The following COL18A1 variants were observed in gnomAD, a reference collection of about 807,000 sequenced individuals.
COL18A1 encodes the protein collagen alpha-1(XVIII) chain.
A neutral mutation model predicts 168.0 loss-of-function variants in COL18A1; 133 were observed. That is an observed-to-expected ratio of 0.79 (90% CI 0.69 to 0.91). The LOEUF (loss-of-function observed/expected upper bound fraction) is 0.91. Among genes scored for constraint, COL18A1 ranks in the 40% least tolerant of loss-of-function variants. COL18A1 has a pLI of 0.00. For missense variants in COL18A1, 2,126 were observed against 1,925.4 expected (o/e 1.10, Z -1.95); for synonymous variants, 949 against 809.0 (o/e 1.17, Z -2.94).
At chr21:45,508,383 G>T (rs1006713497) in intron 38 of COL18A1, among the ~76,000 whole-genome samples, 2 of 150,050 alleles carry the variant, frequency 1.3e-5, no homozygotes, top group African/African-American at 4.9e-5. Context: ...GATGGATGGT[G>T]GGCAGATGGA....
chr21:45,493,172 G>A lies in COL18A1; in HGVS notation c.2224G>A (p.Gly742Arg). 6.4e-7 allele frequency: 1 copy of A among 1,559,610 alleles called. No homozygotes were observed. Among genetic ancestry groups the A allele is most frequent in the Non-Finnish European group, 8.7e-7 (1 of 1,151,834 alleles). ...PGFAGFPGPA[G>R]PKGNLGSKGE... ...CTGGCCTCCATTCCAGGGACCTGCA[G>A]GACCCAAGGGCAACCTGGGCTCTAA... The change falls in exon 25 of 42, where the codon GGA becomes AGA. Residue 742 changes from glycine to arginine, a missense_variant. Transcript: ENST00000651438.
rs1237178094 is a variant in COL18A1, at chr21:45,493,174, A to T, written c.2226A>T (p.Gly742=). 1 of 1,559,748 alleles carries T rather than the reference A, an allele frequency of 6.4e-7. No homozygotes were observed. Among genetic ancestry groups the T allele is most frequent in the Admixed American group, 1.9e-5 (1 of 52,510 alleles). ...PGFAGFPGPA[G]PKGNLGSKGE... is the part of the protein sequence containing the mutation. ...GGCCTCCATTCCAGGGACCTGCAGGACCCAAGGGCAACCTGGGCTCTAAGG... is the reference window on the plus strand; with the variant it reads ...GGCCTCCATTCCAGGGACCTGCAGGTCCCAAGGGCAACCTGGGCTCTAAGG... The change falls in exon 25 of 42, where the codon GGA becomes GGT. Residue 742 remains glycine (G), a synonymous_variant. Transcript: ENST00000651438.
chr21:45,491,314 C>G lies in COL18A1; in HGVS notation c.2157C>G (p.Asp719Glu). ...PGPVVYVSEQ[D>E]GSVLSVPGPE... ...CTGTGGTCTACGTGTCGGAGCAGGA[C>G]GTAAGGACGCTGCGTGGGTGGGCAC... is the stretch of plus-strand genomic sequence containing the variant. The change falls in exon 22 of 42, where the codon GAC (aspartate) becomes GAG (glutamate). Residue 719 changes from aspartate (D) to glutamate (E), a missense_variant and splice_region_variant. By Grantham distance (45) the Asp-to-Glu change is conservative (BLOSUM62 2). Coordinates refer to ENST00000651438, the MANE Select transcript of COL18A1 (RefSeq NM_001379500.1). 1.2e-6 allele frequency: 2 copies of G among 1,609,912 alleles called. No individual in the cohort carries two copies. The highest frequency in any genetic ancestry group is 1.7e-6 in the Non-Finnish European group (2 of 1,177,764).
intron 2 of COL18A1, among the ~76,000 whole-genome samples, chr21:45,432,115 G>A (rs1360882228): frequency 1.3e-5 from 2 of 152,238 alleles, no homozygotes; most frequent in Admixed American, 1.3e-4. Context: ...AGCAGACACA[G>A]GTTGGAGATA....
At chr21:45,496,014 A>T in intron 29 of COL18A1, 1 of 356,290 alleles carries the variant, frequency 2.8e-6, no homozygotes, top group Non-Finnish European at 5.5e-6. Context: ...GTGCACCCAT[A>T]TACACACATA....
At chr21:45,456,882 G>T in intron 2 of COL18A1, 1 of 1,437,096 alleles carries the variant, frequency 7.0e-7, no homozygotes, top group Non-Finnish European at 9.1e-7. Flanking sequence ...CCGGCTGCAG[G>T]TAACTGGCCG....
At position 45,423,005 on chromosome 21, in the gene COL18A1, G is replaced by A. The variant is rs2033674116; in HGVS notation, c.106+17532G>A. Among the ~76,000 whole-genome samples the A allele has an allele frequency of 6.6e-6, 1 of 152,118 alleles. No homozygotes were observed. Among genetic ancestry groups the A allele is most frequent in the Non-Finnish European group, 1.5e-5 (1 of 68,030 alleles). ...TTTTTTGTATTTTTAGTAGAGACAA[G>A]GTTTCTCCATGTTGGTCAGGCTGGT... On this transcript the variant is annotated intron_variant, in intron 2 of 41. Coordinates refer to ENST00000651438, the MANE Select transcript of COL18A1 (RefSeq NM_001379500.1). The surrounding 1 kb of genome is among the most constrained non-coding windows in gnomAD (Gnocchi z 4.0).
chr21:45,501,964 C>T (rs1283690717), intron 32 of COL18A1, among the ~76,000 whole-genome samples: 2 of 76,880 alleles, frequency 2.6e-5, no homozygotes, highest in East Asian at 3.2e-4. Flanking sequence ...CCTCCGCAGC[C>T]GGTCACCTCC....
intron 2 of COL18A1, among the ~76,000 whole-genome samples, chr21:45,451,315 G>A (rs1018000547): frequency 4.6e-5 from 7 of 152,234 alleles, no homozygotes; most frequent in Non-Finnish European, 7.3e-5. Flanking sequence ...AACTCCACAC[G>A]CACTGGGACA....
chr21:45,426,348 G>A (rs752979416), intron 2 of COL18A1, among the ~76,000 whole-genome samples: 23 of 152,086 alleles, frequency 1.5e-4, no homozygotes, highest in Non-Finnish European at 3.4e-4. Flanking sequence ...CAGGTGATCC[G>A]CCTGCCTTGG....
intron 6 of COL18A1, among the ~76,000 whole-genome samples, chr21:45,476,808 CGT>C (rs925621283): frequency 4.0e-5 from 6 of 148,560 alleles, no homozygotes; most frequent in South Asian, 4.3e-4. Context: ...GTGTAGTGTA[CGT>C]GTGTGGTGTG....
intron 38 of COL18A1, among the ~76,000 whole-genome samples, chr21:45,508,189 G>A (rs2037342462): frequency 6.6e-6 from 1 of 151,770 alleles, no homozygotes; most frequent in Non-Finnish European, 1.5e-5. Flanking sequence ...ATGGATGGAT[G>A]GTGGACAGGT....
intron 2 of COL18A1, chr21:45,456,228 T>C: frequency 6.2e-7 from 1 of 1,605,862 alleles, no homozygotes; most frequent in Non-Finnish European, 8.5e-7. Flanking sequence ...TGGGGAAGCC[T>C]GCAGGACCCA....
intron 29 of COL18A1, 96 bp from the exon 30 acceptor site, chr21:45,496,404 G>GTTTCTGATT (rs754124556): frequency 8.8e-5 from 69 of 784,228 alleles, no homozygotes; most frequent in South Asian, 7.4e-4. Context: ...GCCTGGTCAG[G>GTTTCTGATT]TTTCTGATTT....
At chr21:45,436,330 G>A (rs566923293) in intron 2 of COL18A1, among the ~76,000 whole-genome samples, 2 of 152,324 alleles carry the variant, frequency 1.3e-5, no homozygotes, top group East Asian at 3.9e-4. Context: ...CCTCACCCGG[G>A]GCCCATCCAG....
In COL18A1 at chr21:45,471,659, C is replaced by T. The variant is rs1005646439; in HGVS notation, c.652-2236C>T. Among the ~76,000 whole-genome samples, 2 of 152,150 alleles carry T rather than the reference C, an allele frequency of 1.3e-5. No homozygotes were observed. Among genetic ancestry groups the T allele is most frequent in the Admixed American group, 1.3e-4 (2 of 15,280 alleles). On this transcript the variant is annotated intron_variant, in intron 3 of 41. Coordinates refer to ENST00000651438, the MANE Select transcript of COL18A1 (RefSeq NM_001379500.1). The surrounding 1 kb of genome is among the most constrained non-coding windows in gnomAD (Gnocchi z 4.4). ...TTCTTGAGTCAGGTTTGTCAGTGGT[C>T]GTCTCCCGGGAAATCATGCACCCCT...
chr21:45,513,277 G>C lies in COL18A1; in HGVS notation c.*879G>C, dbSNP rs1484818094. 6.6e-6 allele frequency: 1 copy of C among 152,340 alleles called. No individual in the cohort carries two copies. Among genetic ancestry groups the C allele is most frequent in the Non-Finnish European group, 1.5e-5 (1 of 68,122 alleles). 9.4% of individuals were successfully genotyped at this position (152,340 alleles called of 1,614,324 possible). On this transcript the variant is annotated 3_prime_UTR_variant, in exon 42 of 42. Transcript: ENST00000651438. ...CAGGATGGAACACGGCCACATCAAAGAGGCTGAGGCTGGCACAGGACATGC... is the reference window on the plus strand; with the variant it reads ...CAGGATGGAACACGGCCACATCAAACAGGCTGAGGCTGGCACAGGACATGC...
At position 45,477,946 on chromosome 21, in the gene COL18A1, C is replaced by A; in HGVS notation, c.1202C>A (p.Pro401His). The A allele has an allele frequency of 1.9e-6, 3 of 1,544,710 alleles. No homozygotes were observed. Among genetic ancestry groups the A allele is most frequent in the African/African-American group, 1.4e-5 (1 of 73,288 alleles). The change falls in exon 8 of 42, where the codon CCT (proline) becomes CAT (histidine). Residue 401 changes from proline to histidine, a missense_variant. Transcript: ENST00000651438. ...PPGPPGRDGT[P>H]GRDGEPGDPG... is the part of the protein sequence containing the mutation. ...GGGCCTCCGGGGAGGGACGGCACCC[C>A]TGGAAGGGACGGCGAGCCGGTGAGT...
chr21:45,426,865 T>G (rs1008453128), intron 2 of COL18A1, among the ~76,000 whole-genome samples: 5 of 152,210 alleles, frequency 3.3e-5, no homozygotes, highest in African/African-American at 1.2e-4. Context: ...CTGGGACTGA[T>G]GCTCCCCGCG....
Sources: gnomAD v4.1 joint callset for allele counts (sites outside exome capture counted in the v4.1 genomes callset) on GRCh38, gnomAD v4.1.1 for gene constraint, Gnocchi (gnomAD v3.1) non-coding constraint, MANE v1.5 for transcripts, NCBI Gene and HGNC (gene_info 2026-07-23, HGNC 2026-07-21) for gene names.